The following TXNRD2 variants were observed in gnomAD, a reference collection of about 807,000 sequenced individuals.
TXNRD2 encodes the protein thioredoxin reductase 2.
In TXNRD2, 67 loss-of-function variants were observed where a neutral mutation model predicts 70.8. The ratio of observed to expected loss-of-function variants is 0.95; its 90% CI spans 0.78 to 1.16. The LOEUF (loss-of-function observed/expected upper bound fraction) is 1.16, where lower values mean the gene tolerates loss of function less well. Among genes scored for constraint, TXNRD2 ranks in the 50% most tolerant of loss-of-function variants. TXNRD2 has a pLI of 0.00. For missense variants in TXNRD2, 644 were observed against 719.9 expected (o/e 0.89, Z 1.21); for synonymous variants, 301 against 295.8 (o/e 1.02, Z -0.18).
intron 8 of TXNRD2, among the ~76,000 whole-genome samples, chr22:19,907,290 T>C (rs1164146558): frequency 2.8e-4 from 11 of 39,420 alleles, no homozygotes; most frequent in Non-Finnish European, 4.9e-4. Flanking sequence ...CAGGAGGGTG[T>C]GGGCGCCGTG....
chr22:19,878,356 G>A lies in TXNRD2; in HGVS notation c.1347+10C>T, dbSNP rs768849228. The A allele has an allele frequency of 8.1e-6, 13 of 1,613,584 alleles. No individual in the cohort carries two copies. The highest frequency in any genetic ancestry group is 1.0e-5 in the Non-Finnish European group (12 of 1,179,984). Reference sequence around the variant, plus strand: ...TCATCCTCAGCACCCTGGGCCACAGGGATGCTCACCTTTACATAACACTGG... The same window carrying A: ...TCATCCTCAGCACCCTGGGCCACAGAGATGCTCACCTTTACATAACACTGG... On this transcript the variant is annotated intron_variant, in intron 15 of 17. Transcript: ENST00000400521.
intron 1 of TXNRD2, among the ~76,000 whole-genome samples, chr22:19,938,661 T>C (rs768782477): frequency 7.2e-5 from 11 of 152,206 alleles, no homozygotes; most frequent in Non-Finnish European, 1.3e-4. Context: ...CCTTATATCA[T>C]GCCCATCCCC....
At chr22:19,883,172 C>A (rs1938859503) in intron 12 of TXNRD2, among the ~76,000 whole-genome samples, 153 bp downstream of exon 12, 1 of 152,246 alleles carries the variant, frequency 6.6e-6, no homozygotes, top group Non-Finnish European at 1.5e-5. Flanking sequence ...CCCCAGAACT[C>A]CAGACAGGCT....
At chr22:19,886,439 C>T (rs1020189552) in intron 11 of TXNRD2, among the ~76,000 whole-genome samples, 1 of 152,220 alleles carries the variant, frequency 6.6e-6, no homozygotes, top group Non-Finnish European at 1.5e-5. Flanking sequence ...GGCCTGGAGC[C>T]CTGCAGGAGG....
intron 2 of TXNRD2, among the ~76,000 whole-genome samples, chr22:19,922,748 G>A (rs1273043112): frequency 2.0e-5 from 3 of 152,084 alleles, no homozygotes; most frequent in Non-Finnish European, 2.9e-5. Flanking sequence ...GTGCAGTGGC[G>A]TGATCTTGGC....
intron 5 of TXNRD2, 154 bp from the exon 6 acceptor site, chr22:19,915,997 T>C: frequency 1.5e-6 from 1 of 684,132 alleles, no homozygotes; most frequent in Admixed American, 2.2e-5. Flanking sequence ...GCAACCATGC[T>C]GAGAAGCATG....
In TXNRD2 at chr22:19,883,307, C is replaced by CTG. The variant is rs1938867873; in HGVS notation, c.1086+17_1086+18insCA. 6.2e-6 allele frequency: 10 copies of CTG among 1,611,390 alleles called. No homozygotes were observed. The African/African-American group carries it at 1.3e-4, about 22-fold the overall frequency. ...GCAGGCAGGGGCAGGGGCCCTGGTC[C>CTG]CGGGACGCATGCCGTACCTCCACCA... On this transcript the variant is annotated intron_variant, in intron 12 of 17. Coordinates refer to ENST00000400521, the MANE Select transcript of TXNRD2 (RefSeq NM_006440.5).
chr22:19,898,930 C>A (rs1939645100), intron 9 of TXNRD2, 119 bp downstream of exon 9: 1 of 1,299,142 alleles, frequency 7.7e-7, no homozygotes, highest in African/African-American at 1.4e-5. Flanking sequence ...GCCGAGAGGC[C>A]CAGTAAGTGC....
At chr22:19,916,324 CTTTCT>C (rs1375047533) in intron 5 of TXNRD2, 2 of 170,618 alleles carry the variant, frequency 1.2e-5, no homozygotes, top group African/African-American at 4.8e-5. Context: ...ATGACCCACG[CTTTCT>C]TTTCTTTTTT....
chr22:19,902,192 C>G (rs1333142487), intron 8 of TXNRD2, among the ~76,000 whole-genome samples: 1 of 152,174 alleles, frequency 6.6e-6, no homozygotes, highest in East Asian at 1.9e-4. Context: ...CTAAAACAAA[C>G]AAAACAAAAC....
chr22:19,877,475 G>A (rs1938562932), intron 16 of TXNRD2, among the ~76,000 whole-genome samples: 1 of 152,228 alleles, frequency 6.6e-6, no homozygotes, highest in East Asian at 1.9e-4. Context: ...GCCCTGGCCT[G>A]GCTTCCTGCT....
chr22:19,895,366 G>A (rs778026971), intron 11 of TXNRD2, 41 bp downstream of exon 11: 1 of 1,612,836 alleles, frequency 6.2e-7, no homozygotes, highest in African/African-American at 1.3e-5. Context: ...ATGCACCTCG[G>A]GGAGACCAGA....
chr22:19,896,732 G>GA (rs1178319816), intron 10 of TXNRD2, among the ~76,000 whole-genome samples: 1 of 152,272 alleles, frequency 6.6e-6, no homozygotes, highest in Non-Finnish European at 1.5e-5. Context: ...TTCAAGAGGA[G>GA]AAAAACAGTC....
chr22:19,908,477 G>T (rs776238443), intron 8 of TXNRD2, among the ~76,000 whole-genome samples: 62 of 152,080 alleles, frequency 4.1e-4, no homozygotes, highest in Non-Finnish European at 8.2e-4. Context: ...AAAAATTAAA[G>T]AAAGAAAAAC....
At chr22:19,888,600 C>G (rs959803040) in intron 11 of TXNRD2, among the ~76,000 whole-genome samples, 1 of 152,250 alleles carries the variant, frequency 6.6e-6, no homozygotes. Flanking sequence ...GTGATCCAGA[C>G]AGAGGCAGCC....
chr22:19,896,330 ACAAC>A (rs113617906), intron 10 of TXNRD2, among the ~76,000 whole-genome samples: 32,764 of 151,874 alleles, frequency 0.22, 4,947 homozygotes, highest in African/African-American at 0.43. Flanking sequence ...AAAAAGAAAA[ACAAC>A]CAAATCCTGG....
At chr22:19,902,969 A>T (rs1048083666) in intron 8 of TXNRD2, 7 of 518,614 alleles carry the variant, frequency 1.3e-5, no homozygotes, top group Admixed American at 5.8e-5. Flanking sequence ...GTCAAATAAA[A>T]GCTCTTTCCA....
chr22:19,881,403 G>A (rs771777100), intron 12 of TXNRD2: 3 of 160,152 alleles, frequency 1.9e-5, no homozygotes, highest in Non-Finnish European at 3.1e-5. Context: ...ACATCCCGGC[G>A]GGCGGCGCAC....
In TXNRD2 at chr22:19,883,407, C is replaced by T. The variant is rs1168210033; in HGVS notation, c.1004G>A (p.Ser335Asn). The T allele has an allele frequency of 6.2e-7, 1 of 1,614,050 alleles. No homozygotes were observed. The highest frequency in any genetic ancestry group is 1.7e-5 in the Admixed American group (1 of 60,036). Residue 335 changes from serine to asparagine, a missense_variant, in exon 12 of 18, where the codon AGC (serine) becomes AAC (asparagine). Transcript: ENST00000400521. ...CACCAGGATCTTCTGAGTGTCGGGGCTAGTATCTACCCCAGCCTTCTCCAA... is the reference window on the plus strand; with the variant it reads ...CACCAGGATCTTCTGAGTGTCGGGGTTAGTATCTACCCCAGCCTTCTCCAA... Reference protein sequence around the residue: ...LNLEKAGVDTSPDTQKILVDS... With the variant: ...LNLEKAGVDTNPDTQKILVDS...
Sources: allele counts gnomAD v4.1 joint callset (sites outside exome capture counted in the v4.1 genomes callset), GRCh38; gene constraint gnomAD v4.1.1; transcripts MANE v1.5; gene names NCBI Gene and HGNC (gene_info 2026-07-23, HGNC 2026-07-21).